Variants in KCNMA1 observed in about 807,000 individuals in gnomAD.
KCNMA1 encodes Calcium-activated potassium channel subunit alpha-1.
Under a neutral mutation model 140.0 loss-of-function variants are expected in KCNMA1, and 29 were observed. The observed-to-expected ratio is 0.21, with a 90% confidence interval of 0.15 to 0.28. The LOEUF (loss-of-function observed/expected upper bound fraction) is 0.28. Ranked by LOEUF, KCNMA1 falls within the 10% of genes least tolerant of loss-of-function variation. KCNMA1 has a pLI of 1.00. For missense variants in KCNMA1, 880 were observed against 1,602.2 expected (o/e 0.55, Z 7.70); for synonymous variants, 612 against 611.9 (o/e 1.00, Z 0.00).
At chr10:77,205,238 ATT>A (rs1416923992) in intron 3 of KCNMA1, among the ~76,000 whole-genome samples, 2 of 152,206 alleles carry the variant, frequency 1.3e-5, no homozygotes, top group African/African-American at 4.8e-5. Flanking sequence ...CAAATGATAT[ATT>A]TTTTTGTGCT....
intron 2 of KCNMA1, among the ~76,000 whole-genome samples, chr10:77,395,044 T>C (rs1204870223): frequency 6.6e-6 from 1 of 152,172 alleles, no homozygotes; most frequent in Non-Finnish European, 1.5e-5. Context: ...CTTATTTTGA[T>C]TTTTAAAAAA....
At chr10:77,191,808 C>A (rs998275777) in intron 3 of KCNMA1, among the ~76,000 whole-genome samples, 14 of 152,048 alleles carry the variant, frequency 9.2e-5, no homozygotes, top group African/African-American at 2.9e-4. Context: ...CAGTACTGAT[C>A]GATTATGATC....
At chr10:77,079,442 A>C in intron 13 of KCNMA1, 39 bp downstream of exon 13, 1 of 1,235,082 alleles carries the variant, frequency 8.1e-7, no homozygotes, top group Non-Finnish European at 1.2e-6. Context: ...GGACCTGTGG[A>C]TGGGTCTTCA....
chr10:76,890,396 G>A (rs1445441298), intron 26 of KCNMA1, among the ~76,000 whole-genome samples: 1 of 151,996 alleles, frequency 6.6e-6, no homozygotes, highest in Admixed American at 6.5e-5. Flanking sequence ...TCTCATATTG[G>A]TCTCATACCA....
chr10:77,054,388 G>T (rs147033703), intron 14 of KCNMA1, among the ~76,000 whole-genome samples: 1 of 152,076 alleles, frequency 6.6e-6, no homozygotes, highest in African/African-American at 2.4e-5. Flanking sequence ...ACCCTAAAAA[G>T]CAATGCCACA....
At chr10:77,166,478 C>A (rs2098643543) in intron 5 of KCNMA1, among the ~76,000 whole-genome samples, 1 of 151,962 alleles carries the variant, frequency 6.6e-6, no homozygotes, top group Admixed American at 6.6e-5. Flanking sequence ...CTGTCTCAAG[C>A]AGAGAAATCA....
At chr10:77,539,149 T>G (rs371755887) in intron 1 of KCNMA1, among the ~76,000 whole-genome samples, 103 of 152,312 alleles carry the variant, frequency 6.8e-4, no homozygotes, top group African/African-American at 2.3e-3. Flanking sequence ...CATATGTCTC[T>G]GAGGAACCCA....
chr10:76,898,180 C>T (rs373487677), intron 25 of KCNMA1, among the ~76,000 whole-genome samples: 1 of 151,608 alleles, frequency 6.6e-6, no homozygotes, highest in Non-Finnish European at 1.5e-5. Flanking sequence ...ATGCCAAAAT[C>T]AAACTCTGAT....
chr10:77,216,304 C>T (rs2047767549), intron 3 of KCNMA1, among the ~76,000 whole-genome samples: 1 of 151,724 alleles, frequency 6.6e-6, no homozygotes, highest in Non-Finnish European at 1.5e-5. Flanking sequence ...ATACTAGAAA[C>T]CACTTTAAAT....
chr10:77,145,146 T>C (rs2098265012), intron 5 of KCNMA1, among the ~76,000 whole-genome samples: 1 of 152,138 alleles, frequency 6.6e-6, no homozygotes, highest in Non-Finnish European at 1.5e-5. Context: ...AGCCTCTTCC[T>C]AGGACCCTGT....
At chr10:77,294,239 G>A (rs185408159) in intron 2 of KCNMA1, among the ~76,000 whole-genome samples, 5 of 152,354 alleles carry the variant, frequency 3.3e-5, no homozygotes, top group Admixed American at 3.3e-4. Context: ...TCTGGGCCCA[G>A]GTTTGCAGTG....
intron 18 of KCNMA1, among the ~76,000 whole-genome samples, chr10:77,003,262 C>A (rs570633345): frequency 9.9e-5 from 15 of 152,040 alleles, no homozygotes; most frequent in Non-Finnish European, 1.5e-4. Flanking sequence ...GCAGCCCCAG[C>A]CCTGTTCAAT....
intron 1 of KCNMA1, among the ~76,000 whole-genome samples, chr10:77,539,492 A>G (rs896366979): frequency 2.0e-5 from 3 of 152,208 alleles, no homozygotes; most frequent in Non-Finnish European, 4.4e-5. Context: ...CCGAAACTCT[A>G]TCCTCTTAAA....
At chr10:77,424,018 C>T (rs191854845) in intron 1 of KCNMA1, among the ~76,000 whole-genome samples, 1 of 152,322 alleles carries the variant, frequency 6.6e-6, no homozygotes, top group Admixed American at 6.5e-5. Context: ...TTCAGCTTGG[C>T]AGAGGAATGG....
intron 2 of KCNMA1, among the ~76,000 whole-genome samples, chr10:77,374,494 C>T (rs188362370): frequency 6.6e-6 from 1 of 152,336 alleles, no homozygotes; most frequent in East Asian, 1.9e-4. Context: ...TCACTGCTCT[C>T]TAAACATTTA....
chr10:77,344,759 CT>C (rs1566118797), intron 2 of KCNMA1, among the ~76,000 whole-genome samples: 3 of 152,106 alleles, frequency 2.0e-5, no homozygotes, highest in African/African-American at 7.2e-5. Context: ...TCACTCATCA[CT>C]ACCTTAAAGT....
At chr10:76,995,782 G>T in intron 19 of KCNMA1, 2 of 431,702 alleles carry the variant, frequency 4.6e-6, no homozygotes, top group South Asian at 3.4e-5. Context: ...CTTACATGAG[G>T]CATGCCAACA....
intron 1 of KCNMA1, among the ~76,000 whole-genome samples, chr10:77,560,557 T>C (rs1036336334): frequency 3.3e-5 from 5 of 152,162 alleles, no homozygotes; most frequent in Non-Finnish European, 7.4e-5. Flanking sequence ...CTGCGGACTT[T>C]GCTTTTCTTC....
intron 1 of KCNMA1, among the ~76,000 whole-genome samples, chr10:77,528,638 C>A (rs558890457): frequency 1.2e-3 from 174 of 145,256 alleles, no homozygotes; most frequent in South Asian, 1.8e-3. Flanking sequence ...AGAAAAGATA[C>A]CAACAAAAGC....
Sources: allele counts gnomAD v4.1 joint callset (sites outside exome capture counted in the v4.1 genomes callset), GRCh38; gene constraint gnomAD v4.1.1; transcripts MANE v1.5; gene names NCBI Gene and HGNC (gene_info 2026-07-23, HGNC 2026-07-21).